GFRA1: variants seen among roughly 807,000 people sequenced by gnomAD.
GFRA1 encodes GDNF family receptor alpha-1.
In GFRA1, 16 loss-of-function variants were observed where a neutral mutation model predicts 51.6. The observed-to-expected ratio is 0.31, with a 90% CI of 0.21 to 0.47. GFRA1 has a LOEUF of 0.47. GFRA1 is among the 20% of genes least tolerant of loss of function. The pLI, the probability that GFRA1 is intolerant of heterozygous loss-of-function variation, is 1.00. For synonymous variants in GFRA1, 270 were observed against 241.3 expected (o/e 1.12, Z -1.10); for missense variants, 530 against 594.3 (o/e 0.89, Z 1.13).
chr10:116,177,266 G>A (rs1961717351), intron 5 of GFRA1, among the ~76,000 whole-genome samples: 2 of 152,148 alleles, frequency 1.3e-5, no homozygotes, highest in South Asian at 4.1e-4. Flanking sequence ...CCTGAGTGAC[G>A]GTGTAGAAGA....
At chr10:116,170,371 C>G (rs943767184) in intron 5 of GFRA1, among the ~76,000 whole-genome samples, 1 of 152,196 alleles carries the variant, frequency 6.6e-6, no homozygotes, top group African/African-American at 2.4e-5. Flanking sequence ...CTTCTCTTTA[C>G]TTTCAAGTTC....
chr10:116,108,994 A>T (rs1254757762), intron 6 of GFRA1, among the ~76,000 whole-genome samples: 2 of 152,226 alleles, frequency 1.3e-5, no homozygotes, highest in Non-Finnish European at 2.9e-5. Flanking sequence ...GTTCAGCAAC[A>T]TTAACAGGTG....
At chr10:116,142,957 G>T (rs926593632) in intron 5 of GFRA1, among the ~76,000 whole-genome samples, 1 of 152,122 alleles carries the variant, frequency 6.6e-6, no homozygotes, top group Non-Finnish European at 1.5e-5. Context: ...CTGCCCTATT[G>T]CAGCTGAAGA....
chr10:116,252,447 A>G (rs1409276997), intron 4 of GFRA1, among the ~76,000 whole-genome samples: 2 of 152,196 alleles, frequency 1.3e-5, no homozygotes, highest in Non-Finnish European at 2.9e-5. Flanking sequence ...CATCTGCCTC[A>G]GCTGGCAAGG....
chr10:116,140,064 C>G (rs117243162), intron 5 of GFRA1, among the ~76,000 whole-genome samples: 2,649 of 152,294 alleles, frequency 0.017, 35 homozygotes, highest in Middle Eastern at 0.058. Context: ...GGGCAATCTT[C>G]TTCCCGTGGC....
intron 4 of GFRA1, chr10:116,255,721 C>T (rs1261096794): frequency 1.6e-6 from 2 of 1,289,082 alleles, no homozygotes; most frequent in African/African-American, 3.0e-5. Context: ...CTCTTCCTCT[C>T]TCCTTCTCCC....
At chr10:116,103,500 A>G (rs1228980583) in intron 6 of GFRA1, among the ~76,000 whole-genome samples, 1 of 152,212 alleles carries the variant, frequency 6.6e-6, no homozygotes, top group East Asian at 1.9e-4. Flanking sequence ...TGAAGTGAGG[A>G]ATCTGTGGTG....
intron 4 of GFRA1, among the ~76,000 whole-genome samples, chr10:116,241,463 C>T (rs1044032630): frequency 2.6e-5 from 4 of 152,356 alleles, no homozygotes; most frequent in African/African-American, 9.6e-5. Flanking sequence ...AGCTGACTGT[C>T]TCTGCAATGT....
chr10:116,134,421 GAC>G (rs1442248693), intron 5 of GFRA1, among the ~76,000 whole-genome samples: 6 of 152,186 alleles, frequency 3.9e-5, no homozygotes, highest in African/African-American at 1.4e-4. Flanking sequence ...AGCTCACAGT[GAC>G]AGTCTGGGCT....
chr10:116,126,355 A>G (rs1242163026), intron 5 of GFRA1, among the ~76,000 whole-genome samples: 2 of 152,238 alleles, frequency 1.3e-5, no homozygotes, highest in African/African-American at 2.4e-5. Context: ...CAGGGAAGCC[A>G]GTGCTGTCCA....
intron 4 of GFRA1, among the ~76,000 whole-genome samples, chr10:116,233,415 T>C (rs1367372206): frequency 6.6e-6 from 1 of 152,174 alleles, no homozygotes; most frequent in African/African-American, 2.4e-5. Flanking sequence ...AAGGATTCCC[T>C]GCCTTAGGGA....
Position 116,061,848 on chromosome 10 carries a change from C to A in GFRA1, c.*2550G>T. The A allele has an allele frequency of 2.5e-6, 1 of 396,852 alleles. No individual in the cohort carries two copies. The highest frequency in any genetic ancestry group is 4.4e-6 in the Non-Finnish European group (1 of 225,436). 24.6% of individuals were successfully genotyped at this position (396,852 alleles called of 1,614,324 possible). A position where few individuals can be genotyped will look rare whatever the true frequency, so the allele number is the denominator to read the frequency against. On this transcript the variant is annotated 3_prime_UTR_variant, in exon 11 of 11. Transcript: ENST00000355422. ...GCAAATGATGGTGTTTTAGGGTCAC[C>A]GTGTCAAACTAAGATCACACTGAAT...
At chr10:116,144,327 C>T (rs1464676823) in intron 5 of GFRA1, among the ~76,000 whole-genome samples, 1 of 152,046 alleles carries the variant, frequency 6.6e-6, no homozygotes, top group Non-Finnish European at 1.5e-5. Flanking sequence ...ATAGTGTTTA[C>T]TAACATGCCA....
chr10:116,224,422 CA>C (rs1966137932), intron 4 of GFRA1, among the ~76,000 whole-genome samples: 1 of 152,008 alleles, frequency 6.6e-6, no homozygotes, highest in South Asian at 2.1e-4. Context: ...TCATAATAAC[CA>C]AAAAGTGGAA....
At position 116,057,705 on chromosome 10, in the gene GFRA1, T is replaced by C. The variant is rs1954606655; in HGVS notation, c.*6693A>G. The C allele has an allele frequency of 6.6e-6, 1 of 150,580 alleles. No homozygotes were observed. Among genetic ancestry groups the C allele is most frequent in the Non-Finnish European group, 1.5e-5 (1 of 67,854 alleles). 9.3% of individuals were successfully genotyped at this position (150,580 alleles called of 1,614,324 possible). On this transcript the variant is annotated 3_prime_UTR_variant, in exon 11 of 11. Transcript: ENST00000355422. ...AGAAGATAGATAATGAGGAGAACTA[T>C]AAGGCCCTGGATTCAGGTTTCTGAA... is the stretch of plus-strand genomic sequence containing the variant.
Position 116,092,096 on chromosome 10 carries a change from TACACACAC to T in GFRA1, c.1015+1598_1015+1605del, listed in dbSNP as rs58442181. Among the ~76,000 whole-genome samples, 958 of 138,180 alleles carry T rather than the reference TACACACAC, an allele frequency of 6.9e-3. 5 individuals carry two copies. The highest frequency in any genetic ancestry group is 0.015 in the African/African-American group (574 of 37,932). The allele number at this position is 138,180 out of a possible 152,430, so 90.7% of individuals were successfully genotyped here. On this transcript the variant is annotated intron_variant, in intron 8 of 10. Transcript: ENST00000355422. ...AAAAGAGGAAATATACATACATACG[TACACACAC>T]ACACACACACACACACACACACACA...
At chr10:116,184,407 A>C (rs547215424) in intron 5 of GFRA1, among the ~76,000 whole-genome samples, 4 of 152,256 alleles carry the variant, frequency 2.6e-5, no homozygotes, top group Admixed American at 2.6e-4. Context: ...AGCATCCATC[A>C]GTGTCCCATT....
At chr10:116,259,152 T>C (rs1969112528) in intron 4 of GFRA1, among the ~76,000 whole-genome samples, 1 of 152,188 alleles carries the variant, frequency 6.6e-6, no homozygotes, top group Non-Finnish European at 1.5e-5. Flanking sequence ...CTTATTTTCA[T>C]ACATTATTAA....
chr10:116,269,610 C>A, intron 3 of GFRA1, 24 bp from the exon 4 acceptor site: 1 of 1,384,032 alleles, frequency 7.2e-7, no homozygotes, highest in Non-Finnish European at 1.0e-6. Flanking sequence ...AAAGATTGGG[C>A]TCAGATCAGA....
Sources: gnomAD v4.1 joint callset for allele counts (sites outside exome capture counted in the v4.1 genomes callset) on GRCh38, gnomAD v4.1.1 for gene constraint, MANE v1.5 for transcripts, NCBI Gene and HGNC (gene_info 2026-07-23, HGNC 2026-07-21) for gene names.